The following LETM2 variants were observed in gnomAD, a reference collection of about 807,000 sequenced individuals.
The protein encoded by LETM2 is LETM1 domain-containing protein LETM2, mitochondrial.
LETM2 carries 58 observed loss-of-function variants against 59.6 expected under a neutral mutation model. The observed-to-expected ratio is 0.97, with a 90% CI of 0.79 to 1.21. The LOEUF is 1.21. Among genes scored for constraint, LETM2 ranks in the 50% most tolerant of loss-of-function variants. The pLI, the probability that LETM2 is intolerant of heterozygous loss-of-function variation, is 0.00. For synonymous variants in LETM2, 199 were observed against 214.1 expected (o/e 0.93, Z 0.62); for missense variants, 572 against 575.7 (o/e 0.99, Z 0.07).
intron 2 of LETM2, among the ~76,000 whole-genome samples, chr8:38,392,020 G>T (rs1471607604): frequency 6.6e-6 from 1 of 152,126 alleles, no homozygotes. Context: ...TAGGTGAAGG[G>T]TATTTCAGCT....
chr8:38,393,040 G>T (rs749279061), intron 3 of LETM2, 45 bp downstream of exon 3: 2 of 1,470,192 alleles, frequency 1.4e-6, no homozygotes, highest in East Asian at 2.3e-5. Flanking sequence ...AAATTAAAAT[G>T]AACTATTTGG....
chr8:38,407,267 T>C (rs1012609445), intron 9 of LETM2, 95 bp from the exon 10 acceptor site: 42 of 1,007,860 alleles, frequency 4.2e-5, no homozygotes, highest in Admixed American at 7.3e-5. Context: ...TATGAGGTAG[T>C]TGTGACAAGT....
intron 4 of LETM2, among the ~76,000 whole-genome samples, chr8:38,396,383 C>T (rs992114916): frequency 6.6e-6 from 1 of 151,978 alleles, no homozygotes; most frequent in Non-Finnish European, 1.5e-5. Flanking sequence ...AGGCTGGTCT[C>T]GAACTCCTGA....
intron 4 of LETM2, among the ~76,000 whole-genome samples, chr8:38,398,906 G>C (rs146118421): frequency 4.0e-4 from 61 of 152,108 alleles, no homozygotes; most frequent in African/African-American, 1.5e-3. Context: ...TTTTAGTAGA[G>C]ACAGGGTTTC....
intron 4 of LETM2, among the ~76,000 whole-genome samples, chr8:38,394,845 CAAAAAAA>C (rs34403974): frequency 1.2e-5 from 1 of 84,510 alleles, no homozygotes; most frequent in Non-Finnish European, 2.3e-5. Flanking sequence ...GACCCTGTCT[CAAAAAAA>C]AAAAAAAAAA....
chr8:38,391,493 G>A (rs1302537996), intron 2 of LETM2, among the ~76,000 whole-genome samples: 1 of 151,330 alleles, frequency 6.6e-6, no homozygotes, highest in African/African-American at 2.4e-5. Context: ...AGTAGAGATG[G>A]GGTTTCACCA....
chr8:38,405,792 T>G (rs1813667131), intron 8 of LETM2, among the ~76,000 whole-genome samples: 1 of 152,230 alleles, frequency 6.6e-6, no homozygotes. Flanking sequence ...AGGAGCTCAC[T>G]GTCTCAGCTA....
intron 2 of LETM2, among the ~76,000 whole-genome samples, chr8:38,391,300 G>GTT (rs761566202): frequency 5.1e-3 from 555 of 109,034 alleles, no homozygotes; most frequent in Non-Finnish European, 6.4e-3. Context: ...TTTTATTTTA[G>GTT]TTTTTTTTTT....
chr8:38,400,311 C>G lies in LETM2; in HGVS notation c.685C>G (p.Leu229Val). The G allele has an allele frequency of 6.2e-7, 1 of 1,613,180 alleles. No homozygotes were observed. The highest frequency in any genetic ancestry group is 8.5e-7 in the Non-Finnish European group (1 of 1,179,498). ...QKKKMAVKLE[L>V]AKFLQETMTE... is the part of the protein sequence containing the mutation. ...AAAGAAAATGGCTGTAAAGTTGGAA[C>G]TAGCAAAATTTCTTCAAGAAACCAT... The change falls in exon 5 of 11, where the codon CTA becomes GTA. Residue 229 changes from leucine (L) to valine (V), a missense_variant. Transcript: ENST00000379957.
intron 4 of LETM2, 45 bp downstream of exon 4, chr8:38,394,286 G>T: frequency 8.5e-7 from 1 of 1,180,694 alleles, no homozygotes; most frequent in Non-Finnish European, 1.1e-6. Flanking sequence ...CCTTATTAGA[G>T]GAGTTTTTAG....
chr8:38,383,683 C>A (rs569431286), upstream of LETM2, among the ~76,000 whole-genome samples: 13 of 151,864 alleles, frequency 8.6e-5, no homozygotes, highest in East Asian at 1.4e-3. Flanking sequence ...GTAATCCCAG[C>A]ACTTTGGGAG....
At chr8:38,390,597 G>T (rs1206135388) in intron 2 of LETM2, among the ~76,000 whole-genome samples, 1 of 140,522 alleles carries the variant, frequency 7.1e-6, no homozygotes. Flanking sequence ...ACTCCAGCCT[G>T]GGCAACAGAG....
At chr8:38,400,478 T>C (rs1813104028) in intron 5 of LETM2, 69 bp downstream of exon 5, 5 of 1,436,890 alleles carry the variant, frequency 3.5e-6, no homozygotes, top group Non-Finnish European at 4.7e-6. Flanking sequence ...CATGTCATCA[T>C]GGATTTCCCA....
At chr8:38,399,231 G>T (rs1812955390) in intron 4 of LETM2, among the ~76,000 whole-genome samples, 1 of 152,114 alleles carries the variant, frequency 6.6e-6, no homozygotes, top group Non-Finnish European at 1.5e-5. Context: ...CATTTCTGAT[G>T]ATTAACAAGG....
intron 3 of LETM2, 113 bp from the exon 4 acceptor site, chr8:38,393,985 T>G (rs966679597): frequency 2.1e-5 from 19 of 897,966 alleles, no homozygotes; most frequent in East Asian, 1.8e-4. Context: ...TGAGACACTA[T>G]CTCTTGAAAG....
At chr8:38,390,166 C>G (rs769435023) in intron 2 of LETM2, among the ~76,000 whole-genome samples, 3 of 152,096 alleles carry the variant, frequency 2.0e-5, no homozygotes, top group Admixed American at 2.0e-4. Flanking sequence ...TCACACCACT[C>G]TACTCCAGCC....
chr8:38,385,140 A>G (rs1811721357), upstream of LETM2, among the ~76,000 whole-genome samples: 3 of 152,254 alleles, frequency 2.0e-5, no homozygotes, highest in Non-Finnish European at 4.4e-5. Flanking sequence ...AGACATGCAC[A>G]AAGAGACCTC....
chr8:38,391,181 C>CAAAAAAAAAAAAAAA (rs552521178), intron 2 of LETM2, among the ~76,000 whole-genome samples: 10 of 51,556 alleles, frequency 1.9e-4, no homozygotes, highest in Non-Finnish European at 2.5e-4. Context: ...CCTCCTGTCT[C>CAAAAAAAAAAAAAAA]AAAAAAAAAA....
At chr8:38,399,557 C>G (rs1206493199) in intron 4 of LETM2, among the ~76,000 whole-genome samples, 1 of 152,054 alleles carries the variant, frequency 6.6e-6, no homozygotes, top group Non-Finnish European at 1.5e-5. Context: ...ACAGGCAGAT[C>G]ACTTGAGGTC....
Sources: allele counts gnomAD v4.1 joint callset (sites outside exome capture counted in the v4.1 genomes callset), GRCh38; gene constraint gnomAD v4.1.1; transcripts MANE v1.5; gene names NCBI Gene and HGNC (gene_info 2026-07-23, HGNC 2026-07-21).